The following UTS2B variants were observed in gnomAD, a reference collection of about 807,000 sequenced individuals.
UTS2B encodes urotensin 2B, also known as urotensin-2B.
In UTS2B, 21 loss-of-function variants were observed where a neutral mutation model predicts 19.2. The observed-to-expected ratio is 1.09, with a 90% CI of 0.78 to 1.58. The LOEUF (loss-of-function observed/expected upper bound fraction) is 1.58. Ranked by LOEUF, UTS2B falls within the 40% of genes most tolerant of loss-of-function variation. The pLI is 0.00. For synonymous variants in UTS2B, 57 were observed against 50.2 expected (o/e 1.14, Z -0.58); for missense variants, 138 against 130.3 (o/e 1.06, Z -0.29).
rs570506264 is a variant in UTS2B at position 191,294,620 on chromosome 3, G to T, written c.-125+9872C>A. ...AAGGTCCATCCTATCAAGGATCAGGGTCTCTTATATGTATTCTTCCAATCT... is the reference window on the plus strand; with the variant it reads ...AAGGTCCATCCTATCAAGGATCAGGTTCTCTTATATGTATTCTTCCAATCT... On this transcript the variant is annotated intron_variant, in intron 4 of 8. Transcript: ENST00000340524. 2.2e-4 allele frequency: 34 copies of T among 151,790 alleles called. 1 individual carries two copies. Among genetic ancestry groups the T allele is most frequent in the African/African-American group, 7.5e-4 (31 of 41,212 alleles). The allele number at this position is 151,790 out of a possible 1,614,324, so 9.4% of individuals were successfully genotyped here. A position where few individuals can be genotyped will look rare whatever the true frequency, so the allele number is the denominator to read the frequency against.
chr3:191,285,641 C>T (rs1716519622), intron 4 of UTS2B, among the ~76,000 whole-genome samples: 1 of 152,102 alleles, frequency 6.6e-6, no homozygotes, highest in Non-Finnish European at 1.5e-5. Context: ...GTGGCTTACG[C>T]CTGTAATCTC....
In UTS2B at chr3:191,276,790, G is replaced by T. The variant is rs1194188248; in HGVS notation, c.240+17C>A. On this transcript the variant is annotated intron_variant, in intron 7 of 8. Transcript: ENST00000340524. ...ATTGTTATTAAAACTGCTCATTTAA[G>T]TATTTCACATTCTCACCTGGTTAAG... 6.8e-6 allele frequency: 11 copies of T among 1,606,364 alleles called. No individual in the cohort carries two copies. Among genetic ancestry groups the T allele is most frequent in the Non-Finnish European group, 8.5e-6 (10 of 1,175,600 alleles).
At position 191,282,110 on chromosome 3, in the gene UTS2B, T is replaced by C. The variant is rs942447602; in HGVS notation, c.80A>G (p.His27Arg). 69 of 1,613,272 alleles carry C rather than the reference T, an allele frequency of 4.3e-5. No individual in the cohort carries two copies. The highest frequency in any genetic ancestry group is 5.5e-5 in the Non-Finnish European group (65 of 1,179,480). Residue 27 changes from histidine (H) to arginine (R), a missense_variant, in exon 5 of 9, where the codon CAT (histidine) becomes CGT (arginine). His to Arg is a conservative substitution (Grantham distance 29, BLOSUM62 0). Transcript: ENST00000340524. ...LSVLSFLQSV[H>R]GRPYLTQGNE... ...ACCTTGGGTAAGATATGGTCGTCCA[T>C]GCACAGATTGTAAAAAACTCAACAC...
At chr3:191,275,575 G>C in intron 7 of UTS2B, among the ~76,000 whole-genome samples, 1 of 152,104 alleles carries the variant, frequency 6.6e-6, no homozygotes, top group African/African-American at 2.4e-5. Context: ...AGCTACTCGG[G>C]AGGCTAAGGC....
the UTS2B span, among the ~76,000 whole-genome samples, chr3:191,346,173 T>A: frequency 6.6e-6 from 1 of 152,204 alleles, no homozygotes; most frequent in Non-Finnish European, 1.5e-5. Context: ...TCAATAAAAT[T>A]GCTACTACAA....
intron 2 of UTS2B, among the ~76,000 whole-genome samples, chr3:191,326,109 T>C (rs1356611474): frequency 6.6e-6 from 1 of 152,234 alleles, no homozygotes; most frequent in South Asian, 2.1e-4. Flanking sequence ...GTGGGTCCCC[T>C]TTCCTGTTTT....
upstream of UTS2B, among the ~76,000 whole-genome samples, chr3:191,334,032 G>GT (rs1218709871): frequency 6.6e-6 from 1 of 151,978 alleles, no homozygotes; most frequent in Non-Finnish European, 1.5e-5. Flanking sequence ...GCTATTTTGT[G>GT]TTTTTGATTT....
chr3:191,292,925 C>T (rs1056835776), intron 4 of UTS2B, among the ~76,000 whole-genome samples: 1 of 151,666 alleles, frequency 6.6e-6, no homozygotes, highest in African/African-American at 2.4e-5. Context: ...AATAAAATTC[C>T]CCCAGGAGGC....
chr3:191,276,988 C>A (rs570045885), intron 6 of UTS2B, 144 bp from the exon 7 acceptor site: 1 of 623,036 alleles, frequency 1.6e-6, no homozygotes, highest in African/African-American at 1.9e-5. Flanking sequence ...TAATATAAAA[C>A]CTCCAGTATA....
intron 8 of UTS2B, among the ~76,000 whole-genome samples, chr3:191,270,470 T>G (rs78051301): frequency 6.6e-6 from 1 of 152,198 alleles, no homozygotes; most frequent in Non-Finnish European, 1.5e-5. Flanking sequence ...AGTAGTGGGA[T>G]TGCAGGTGTG....
the UTS2B span, among the ~76,000 whole-genome samples, chr3:191,345,778 G>A: frequency 5.1e-4 from 78 of 152,250 alleles, no homozygotes; most frequent in African/African-American, 1.7e-3. Context: ...GATAAATTAC[G>A]TGAGAATGAA....
chr3:191,298,751 G>C (rs929185093), intron 4 of UTS2B, among the ~76,000 whole-genome samples: 1 of 152,162 alleles, frequency 6.6e-6, no homozygotes, highest in Non-Finnish European at 1.5e-5. Context: ...GGAGGGCTCA[G>C]AAGAAAATAG....
At chr3:191,308,027 G>A (rs1186781975) in intron 3 of UTS2B, among the ~76,000 whole-genome samples, 1 of 151,862 alleles carries the variant, frequency 6.6e-6, no homozygotes. Context: ...GTAAGGGCGG[G>A]GTTTCACTAA....
chr3:191,286,663 AAAAAG>A (rs890698069), intron 4 of UTS2B, among the ~76,000 whole-genome samples: 1 of 152,048 alleles, frequency 6.6e-6, no homozygotes, highest in Non-Finnish European at 1.5e-5. Context: ...TATATTAAAA[AAAAAG>A]AAAAGATCCC....
At chr3:191,344,979 CAT>C in the UTS2B span, among the ~76,000 whole-genome samples, 1 of 152,130 alleles carries the variant, frequency 6.6e-6, no homozygotes, top group African/African-American at 2.4e-5. Flanking sequence ...ATCTTCAAAA[CAT>C]AAAGTTTTGA....
At chr3:191,323,100 G>C (rs1208621793) in intron 2 of UTS2B, among the ~76,000 whole-genome samples, 2 of 149,606 alleles carry the variant, frequency 1.3e-5, no homozygotes, top group African/African-American at 5.0e-5. Flanking sequence ...ATTTGGAAAG[G>C]GTATGATGTT....
At chr3:191,324,254 G>A (rs930609664) in intron 2 of UTS2B, among the ~76,000 whole-genome samples, 28 of 152,188 alleles carry the variant, frequency 1.8e-4, no homozygotes, top group African/African-American at 6.8e-4. Flanking sequence ...TACCAGATGG[G>A]ACTCCTTCAA....
chr3:191,306,566 G>T (rs1379275387), intron 3 of UTS2B, among the ~76,000 whole-genome samples: 2 of 152,212 alleles, frequency 1.3e-5, no homozygotes, highest in African/African-American at 4.8e-5. Flanking sequence ...CTGCCTTGGA[G>T]TTCTTAAGCT....
At chr3:191,345,632 G>A in the UTS2B span, among the ~76,000 whole-genome samples, 88 of 151,966 alleles carry the variant, frequency 5.8e-4, no homozygotes, top group Admixed American at 2.8e-3. Flanking sequence ...TTCAAAACCC[G>A]CTTGCCTGCA....
Sources: gnomAD v4.1 joint callset for allele counts (sites outside exome capture counted in the v4.1 genomes callset) on GRCh38, gnomAD v4.1.1 for gene constraint, MANE v1.5 for transcripts, NCBI Gene and HGNC (gene_info 2026-07-23, HGNC 2026-07-21) for gene names.